The following ZBTB20 variants were observed in gnomAD, a reference collection of about 807,000 sequenced individuals.
The protein encoded by ZBTB20 is zinc finger and BTB domain-containing protein 20.
A neutral mutation model predicts 56.9 loss-of-function variants in ZBTB20; 9 were observed. The ratio of observed to expected loss-of-function variants is 0.16; its 90% CI spans 0.10 to 0.28. The LOEUF is 0.28. Among genes scored for constraint, ZBTB20 ranks in the 10% least tolerant of loss-of-function variants. ZBTB20 has a pLI of 1.00. For missense variants in ZBTB20, 655 were observed against 1,003.0 expected (o/e 0.65, Z 4.69); for synonymous variants, 417 against 420.7 (o/e 0.99, Z 0.11).
chr3:114,844,096 T>C (rs1203927453), intron 4 of ZBTB20, among the ~76,000 whole-genome samples: 3 of 151,898 alleles, frequency 2.0e-5, no homozygotes, highest in Admixed American at 6.6e-5. Context: ...AAACAAATTA[T>C]AGTATGTCTA....
intron 6 of ZBTB20, among the ~76,000 whole-genome samples, chr3:114,576,989 G>A (rs2054146664): frequency 6.6e-6 from 1 of 152,088 alleles, no homozygotes; most frequent in African/African-American, 2.4e-5. Flanking sequence ...TAGGATAGCA[G>A]TTTAAGGACA....
chr3:114,848,135 C>T (rs2074809599), intron 4 of ZBTB20, among the ~76,000 whole-genome samples: 1 of 152,058 alleles, frequency 6.6e-6, no homozygotes, highest in Non-Finnish European at 1.5e-5. Flanking sequence ...GCCAGAGCCC[C>T]GCGTGTTTGC....
At chr3:114,661,476 T>G (rs2060719152) in intron 6 of ZBTB20, among the ~76,000 whole-genome samples, 1 of 152,190 alleles carries the variant, frequency 6.6e-6, no homozygotes, top group South Asian at 2.1e-4. Flanking sequence ...TCTCATTCAT[T>G]ATTTTCAAGC....
chr3:114,776,808 C>T (rs907981603), intron 5 of ZBTB20, among the ~76,000 whole-genome samples: 3 of 152,098 alleles, frequency 2.0e-5, no homozygotes, highest in Admixed American at 2.0e-4. Flanking sequence ...ATTAAGGGCA[C>T]TTATAATCTA....
chr3:114,466,565 T>G (rs984218302), intron 7 of ZBTB20, among the ~76,000 whole-genome samples: 2 of 152,218 alleles, frequency 1.3e-5, no homozygotes, highest in African/African-American at 4.8e-5. Flanking sequence ...AAAGACTAAA[T>G]TTGTGGAAAT....
chr3:114,695,551 C>T (rs924530713), intron 5 of ZBTB20, among the ~76,000 whole-genome samples: 10 of 151,632 alleles, frequency 6.6e-5, no homozygotes, highest in East Asian at 1.9e-4. Flanking sequence ...TCTTTTATAA[C>T]GAGATACTTT....
chr3:114,380,193 C>A, intron 10 of ZBTB20, 24 bp downstream of exon 10: 1 of 1,521,242 alleles, frequency 6.6e-7, no homozygotes, highest in Non-Finnish European at 8.8e-7. Context: ...TGCAAAGACA[C>A]CATCACCTTA....
At chr3:114,635,833 C>T (rs1259341068) in intron 6 of ZBTB20, among the ~76,000 whole-genome samples, 1 of 151,964 alleles carries the variant, frequency 6.6e-6, no homozygotes, top group Non-Finnish European at 1.5e-5. Context: ...TCAATAAACA[C>T]ATTAGGGAAT....
chr3:115,092,009 C>T (rs1167271239), intron 1 of ZBTB20, among the ~76,000 whole-genome samples: 1 of 152,088 alleles, frequency 6.6e-6, no homozygotes, highest in African/African-American at 2.4e-5. Context: ...AAGTGAGTAT[C>T]TCTGACAATC....
chr3:114,347,541 T>TA (rs1170982751), intron 11 of ZBTB20, among the ~76,000 whole-genome samples: 21 of 152,196 alleles, frequency 1.4e-4, no homozygotes, highest in African/African-American at 7.2e-5. Flanking sequence ...TCCATTTTTT[T>TA]ATGTTTTCCC....
At chr3:114,979,000 T>C (rs2078221782) in intron 2 of ZBTB20, among the ~76,000 whole-genome samples, 1 of 150,512 alleles carries the variant, frequency 6.6e-6, no homozygotes, top group Admixed American at 6.6e-5. Flanking sequence ...GAAAAAAAAA[T>C]GTAAGGAAGG....
intron 5 of ZBTB20, among the ~76,000 whole-genome samples, chr3:114,729,185 A>G (rs947315792): frequency 3.9e-5 from 6 of 152,186 alleles, no homozygotes; most frequent in Non-Finnish European, 8.8e-5. Flanking sequence ...TCACTAACAT[A>G]CTCTTTGCAA....
At chr3:114,915,357 A>G (rs1448756308) in intron 3 of ZBTB20, among the ~76,000 whole-genome samples, 6 of 151,944 alleles carry the variant, frequency 3.9e-5, no homozygotes, top group Non-Finnish European at 7.4e-5. Context: ...ATTTACATGT[A>G]TTAATAGTTG....
At chr3:114,855,953 G>A (rs956656977) in intron 4 of ZBTB20, among the ~76,000 whole-genome samples, 4 of 152,166 alleles carry the variant, frequency 2.6e-5, no homozygotes, top group Non-Finnish European at 5.9e-5. Flanking sequence ...CAAACTTAAC[G>A]TGACCTTCCT....
intron 5 of ZBTB20, among the ~76,000 whole-genome samples, chr3:114,798,514 T>C (rs913057897): frequency 1.3e-5 from 2 of 151,816 alleles, no homozygotes; most frequent in Non-Finnish European, 2.9e-5. Flanking sequence ...TAGACCCTGA[T>C]TGTAGTGGAA....
At chr3:114,353,284 T>C (rs755484415) in intron 10 of ZBTB20, among the ~76,000 whole-genome samples, 3 of 152,206 alleles carry the variant, frequency 2.0e-5, no homozygotes, top group East Asian at 1.9e-4. Flanking sequence ...AGCCTGCAGA[T>C]AGGAAGAAGG....
chr3:114,611,321 C>T (rs1258294853), intron 6 of ZBTB20, among the ~76,000 whole-genome samples: 6 of 152,112 alleles, frequency 3.9e-5, no homozygotes, highest in African/African-American at 1.2e-4. Context: ...TGCAGATCGA[C>T]ACTCTATGGT....
chr3:114,502,921 C>T (rs2044174121), intron 6 of ZBTB20: 1 of 152,090 alleles, frequency 6.6e-6, no homozygotes, highest in Admixed American at 6.6e-5. Flanking sequence ...GTTCAATGAT[C>T]ATTTTTCTGT....
chr3:114,532,056 G>A (rs1195277030), intron 6 of ZBTB20, among the ~76,000 whole-genome samples: 1 of 152,156 alleles, frequency 6.6e-6, no homozygotes, highest in African/African-American at 2.4e-5. Context: ...ACAAAACTGG[G>A]CGGCCGTTTG....
Sources: allele counts gnomAD v4.1 joint callset (sites outside exome capture counted in the v4.1 genomes callset), GRCh38; gene constraint gnomAD v4.1.1; transcripts MANE v1.5; gene names NCBI Gene and HGNC (gene_info 2026-07-23, HGNC 2026-07-21).